The following RAB3C variants were observed in gnomAD, a reference collection of about 807,000 sequenced individuals.
RAB3C encodes ras-related protein Rab-3C.
RAB3C carries 17 observed loss-of-function variants against 26.4 expected under a neutral mutation model. That is an observed-to-expected ratio of 0.64 (90% CI 0.44 to 0.97). The LOEUF (loss-of-function observed/expected upper bound fraction) is 0.97, where lower values mean the gene tolerates loss of function less well. Among genes scored for constraint, RAB3C ranks in the 50% least tolerant of loss-of-function variants. The pLI, the probability that RAB3C is intolerant of heterozygous loss-of-function variation, is 0.00. For missense variants in RAB3C, 242 were observed against 281.9 expected (o/e 0.86, Z 1.01); for synonymous variants, 91 against 95.9 (o/e 0.95, Z 0.30).
chr5:58,798,761 C>T (rs1365822234), intron 3 of RAB3C, among the ~76,000 whole-genome samples: 3 of 152,112 alleles, frequency 2.0e-5, no homozygotes, highest in Non-Finnish European at 4.4e-5. Flanking sequence ...CATTTGAAAT[C>T]ATAAACACTT....
intron 2 of RAB3C, among the ~76,000 whole-genome samples, chr5:58,629,160 T>C (rs1365351934): frequency 6.6e-6 from 1 of 151,910 alleles, no homozygotes; most frequent in African/African-American, 2.4e-5. Context: ...TGGCAGGTGG[T>C]AGATTTTTTT....
intron 2 of RAB3C, among the ~76,000 whole-genome samples, chr5:58,656,239 C>T (rs1440808568): frequency 1.3e-5 from 2 of 152,128 alleles, no homozygotes; most frequent in Admixed American, 6.5e-5. Context: ...AGACTTATAG[C>T]CCAAACCTAC....
At chr5:58,823,557 G>A (rs556050263) in intron 3 of RAB3C, 1 of 182,018 alleles carries the variant, frequency 5.5e-6, no homozygotes, top group African/African-American at 2.4e-5. Context: ...AAAAGCTCAT[G>A]TTGCTATACA....
intron 3 of RAB3C, among the ~76,000 whole-genome samples, chr5:58,807,266 T>C (rs1742963171): frequency 6.6e-6 from 1 of 152,196 alleles, no homozygotes; most frequent in Admixed American, 6.5e-5. Flanking sequence ...AAGACCTTTC[T>C]GACTGAAGGT....
chr5:58,714,187 G>A (rs1749120998), intron 2 of RAB3C, among the ~76,000 whole-genome samples: 2 of 152,096 alleles, frequency 1.3e-5, no homozygotes, highest in African/African-American at 4.8e-5. Flanking sequence ...TTGAACAAGA[G>A]GTGAATGGTA....
chr5:58,783,323 T>A (rs1351618983), intron 3 of RAB3C, among the ~76,000 whole-genome samples: 1 of 152,192 alleles, frequency 6.6e-6, no homozygotes, highest in African/African-American at 2.4e-5. Flanking sequence ...TATTCATGTA[T>A]GGTGAGAAAA....
At chr5:58,814,261 T>C (rs1461397108) in intron 3 of RAB3C, among the ~76,000 whole-genome samples, 1 of 152,066 alleles carries the variant, frequency 6.6e-6, no homozygotes, top group Non-Finnish European at 1.5e-5. Context: ...ATCCACAAAC[T>C]CAAAGTCCCA....
chr5:58,627,526 T>A (rs1747085995), intron 2 of RAB3C, among the ~76,000 whole-genome samples: 2 of 133,132 alleles, frequency 1.5e-5, no homozygotes, highest in Non-Finnish European at 1.7e-5. Context: ...AAAACACAGC[T>A]TAAATTCGGT....
intron 2 of RAB3C, among the ~76,000 whole-genome samples, chr5:58,674,914 A>G (rs1748192737): frequency 2.0e-5 from 3 of 151,964 alleles, no homozygotes; most frequent in Admixed American, 1.3e-4. Flanking sequence ...GAGTCACATG[A>G]TAGACAACCA....
At chr5:58,628,232 A>C (rs551449343) in intron 2 of RAB3C, among the ~76,000 whole-genome samples, 53 of 152,126 alleles carry the variant, frequency 3.5e-4, no homozygotes, top group Admixed American at 1.5e-3. Flanking sequence ...AAAAGTACAA[A>C]GGAGACATAA....
At chr5:58,655,622 CATT>C (rs1200445479) in intron 2 of RAB3C, among the ~76,000 whole-genome samples, 2 of 151,948 alleles carry the variant, frequency 1.3e-5, no homozygotes, top group East Asian at 3.9e-4. Flanking sequence ...AGCAAGGAAA[CATT>C]ATTTGGAGAA....
At chr5:58,661,893 A>G (rs1307253480) in intron 2 of RAB3C, among the ~76,000 whole-genome samples, 1 of 149,660 alleles carries the variant, frequency 6.7e-6, no homozygotes, top group Non-Finnish European at 1.5e-5. Flanking sequence ...TGTAAAAGCA[A>G]AAAGAAACTA....
chr5:58,621,868 G>A (rs143184057), intron 2 of RAB3C, among the ~76,000 whole-genome samples: 5 of 152,250 alleles, frequency 3.3e-5, no homozygotes, highest in Non-Finnish European at 5.9e-5. Flanking sequence ...GAGCCACCAC[G>A]CCTGGCCTCA....
At chr5:58,705,828 A>C (rs1055655103) in intron 2 of RAB3C, among the ~76,000 whole-genome samples, 3 of 152,130 alleles carry the variant, frequency 2.0e-5, no homozygotes, top group African/African-American at 7.2e-5. Context: ...CTGGAAATGA[A>C]GCAAATTAAA....
At position 58,855,697 on chromosome 5, in the gene RAB3C, A is replaced by G. The variant is rs1744242882; in HGVS notation, c.*4346A>G. On this transcript the variant is annotated 3_prime_UTR_variant, in exon 5 of 5. Transcript: ENST00000282878. ...TCATATTTTAGGTGAATTTTTGACC[A>G]AAGTCAATTAAAGACATAAACCTGT... The G allele has an allele frequency of 6.6e-6, 1 of 152,212 alleles. No individual in the cohort carries two copies. Among genetic ancestry groups the G allele is most frequent in the South Asian group, 2.1e-4 (1 of 4,830 alleles). The allele number at this position is 152,212 out of a possible 1,614,324, so 9.4% of individuals were successfully genotyped here. A position where few individuals can be genotyped will look rare whatever the true frequency, so the allele number is the denominator to read the frequency against.
intron 3 of RAB3C, among the ~76,000 whole-genome samples, chr5:58,813,881 A>G (rs1055895937): frequency 6.6e-6 from 1 of 151,996 alleles, no homozygotes; most frequent in Non-Finnish European, 1.5e-5. Context: ...ACCAAACACA[A>G]TTTATTGGCA....
chr5:58,708,953 T>C (rs942832058), intron 2 of RAB3C, among the ~76,000 whole-genome samples: 21 of 152,262 alleles, frequency 1.4e-4, no homozygotes, highest in Non-Finnish European at 2.8e-4. Context: ...AAATTTAAAA[T>C]GTCAATGTAC....
At chr5:58,751,377 G>A (rs911013916) in intron 3 of RAB3C, among the ~76,000 whole-genome samples, 3 of 152,188 alleles carry the variant, frequency 2.0e-5, no homozygotes, top group East Asian at 1.9e-4. Context: ...TCAAGTGATC[G>A]AAGTTGAGTC....
intron 2 of RAB3C, among the ~76,000 whole-genome samples, chr5:58,626,561 G>A (rs557818065): frequency 3.9e-5 from 6 of 152,252 alleles, no homozygotes; most frequent in African/African-American, 1.4e-4. Context: ...ATGGCTGTAA[G>A]ATTTGTGGAT....
Sources: gnomAD v4.1 joint callset for allele counts (sites outside exome capture counted in the v4.1 genomes callset) on GRCh38, gnomAD v4.1.1 for gene constraint, MANE v1.5 for transcripts, NCBI Gene and HGNC (gene_info 2026-07-23, HGNC 2026-07-21) for gene names.